Variants in RBMS3 observed in about 807,000 individuals in gnomAD.
RBMS3 encodes RNA binding motif single stranded interacting protein 3, also known as RNA-binding motif, single-stranded-interacting protein 3.
A neutral mutation model predicts 66.8 loss-of-function variants in RBMS3; 27 were observed. The ratio of observed to expected loss-of-function variants is 0.40; its 90% CI spans 0.30 to 0.56. The LOEUF (loss-of-function observed/expected upper bound fraction) is 0.56, where lower values mean the gene tolerates loss of function less well. RBMS3 is among the 20% of genes least tolerant of loss of function. The pLI is 0.40. For synonymous variants in RBMS3, 188 were observed against 183.0 expected, an observed-to-expected ratio of 1.03 and a Z score of -0.22; for missense variants, 513 against 549.5, an observed-to-expected ratio of 0.93 and a Z score of 0.66.
intron 6 of RBMS3, among the ~76,000 whole-genome samples, chr3:29,776,850 T>C (rs2056444773): frequency 1.3e-5 from 2 of 151,974 alleles, no homozygotes; most frequent in African/African-American, 4.8e-5. Flanking sequence ...CATTCTAGAA[T>C]GGTATCCATT....
At chr3:29,396,113 A>G (rs1044834893) in intron 1 of RBMS3, among the ~76,000 whole-genome samples, 1 of 152,152 alleles carries the variant, frequency 6.6e-6, no homozygotes, top group Non-Finnish European at 1.5e-5. Context: ...TCATGTGCCT[A>G]TGGATAGAGG....
chr3:29,910,204 T>C (rs965162727), intron 10 of RBMS3, among the ~76,000 whole-genome samples: 1 of 152,096 alleles, frequency 6.6e-6, no homozygotes, highest in African/African-American at 2.4e-5. Context: ...TGTCAGACTT[T>C]CTAGAAAACA....
chr3:29,287,967 G>A (rs1230399464), intron 1 of RBMS3, among the ~76,000 whole-genome samples: 13 of 151,860 alleles, frequency 8.6e-5, no homozygotes, highest in African/African-American at 3.1e-4. Context: ...TATTAAAAAT[G>A]TTTTGTTTTA....
intron 8 of RBMS3, among the ~76,000 whole-genome samples, chr3:29,894,781 A>G (rs1468107458): frequency 1.3e-5 from 2 of 151,604 alleles, no homozygotes; most frequent in Non-Finnish European, 3.0e-5. Flanking sequence ...CAATTGGGAC[A>G]GACATGGCAG....
intron 1 of RBMS3, among the ~76,000 whole-genome samples, chr3:29,364,301 A>G (rs548761896): frequency 3.3e-5 from 5 of 152,306 alleles, no homozygotes; most frequent in South Asian, 2.1e-4. Flanking sequence ...TTAGCAGAGA[A>G]TAAGGGGGAT....
At chr3:29,914,798 T>A (rs190003795) in intron 10 of RBMS3, among the ~76,000 whole-genome samples, 247 of 152,004 alleles carry the variant, frequency 1.6e-3, no homozygotes, top group Non-Finnish European at 1.8e-3. Context: ...GTCTAGCAGT[T>A]GATGTAAAGG....
chr3:29,403,265 T>A (rs2039885552), intron 1 of RBMS3, among the ~76,000 whole-genome samples: 1 of 152,030 alleles, frequency 6.6e-6, no homozygotes, highest in African/African-American at 2.4e-5. Flanking sequence ...AAGATTCAGG[T>A]GGAGAAGTCA....
At chr3:29,520,224 A>G (rs1017010634) in intron 3 of RBMS3, among the ~76,000 whole-genome samples, 6 of 152,192 alleles carry the variant, frequency 3.9e-5, no homozygotes. Context: ...AATACAAACC[A>G]AGTTTTAAAA....
At chr3:29,464,664 G>A (rs967988462) in intron 2 of RBMS3, among the ~76,000 whole-genome samples, 2 of 152,116 alleles carry the variant, frequency 1.3e-5, no homozygotes, top group Non-Finnish European at 2.9e-5. Flanking sequence ...ACTGTCAGGG[G>A]ATACAGGTGA....
chr3:29,517,303 GTGTGTATATATATATAT>G (rs1559429909), intron 3 of RBMS3, among the ~76,000 whole-genome samples: 1 of 131,984 alleles, frequency 7.6e-6, no homozygotes. Flanking sequence ...GTGTGTGTGT[GTGTGTATATATATATAT>G]TTTTTTTTTG....
At chr3:29,815,297 A>G (rs940097101) in intron 6 of RBMS3, among the ~76,000 whole-genome samples, 11 of 152,152 alleles carry the variant, frequency 7.2e-5, no homozygotes, top group African/African-American at 2.7e-4. Flanking sequence ...GATATCACCC[A>G]TGTCAAATAC....
At chr3:29,780,130 A>G (rs2056576834) in intron 6 of RBMS3, among the ~76,000 whole-genome samples, 1 of 152,026 alleles carries the variant, frequency 6.6e-6, no homozygotes, top group African/African-American at 2.4e-5. Flanking sequence ...ACATATTGAT[A>G]TAGTTCAAGT....
At chr3:29,772,799 T>A (rs1437972819) in intron 6 of RBMS3, among the ~76,000 whole-genome samples, 1 of 152,006 alleles carries the variant, frequency 6.6e-6, no homozygotes, top group East Asian at 1.9e-4. Context: ...GAGTTGCTTG[T>A]GTGTTAAATA....
chr3:29,335,652 T>G (rs1386433224), intron 1 of RBMS3, among the ~76,000 whole-genome samples: 1 of 152,180 alleles, frequency 6.6e-6, no homozygotes. Flanking sequence ...CTCGTAACTC[T>G]GGGACTGCCC....
rs138145464 is a variant in RBMS3, at chr3:29,384,893, A to G, written c.76-49850A>G. On this transcript the variant is annotated intron_variant, in intron 1 of 14. Coordinates refer to ENST00000383767, the MANE Select transcript of RBMS3 (RefSeq NM_001003793.3). ...CCTTGTTCTGGTTAAATGAAAAAGT[A>G]TTAACATACGTTTCTTGTCACCACA... Among the ~76,000 whole-genome samples, 22 of 152,324 alleles carry G rather than the reference A, an allele frequency of 1.4e-4. No homozygotes were observed. In the East Asian group the frequency reaches 4.1e-3, roughly 28 times the overall value.
intron 3 of RBMS3, among the ~76,000 whole-genome samples, chr3:29,529,113 A>G (rs879943178): frequency 2.2e-3 from 341 of 152,312 alleles, no homozygotes; most frequent in Non-Finnish European, 3.4e-3. Flanking sequence ...TCGAGAAAAA[A>G]TAAAATCTGT....
intron 12 of RBMS3, among the ~76,000 whole-genome samples, chr3:29,957,060 G>C (rs956672451): frequency 1.3e-5 from 2 of 152,028 alleles, no homozygotes; most frequent in Non-Finnish European, 2.9e-5. Context: ...TGCTAATGCT[G>C]GCTTGTTTCA....
At chr3:29,583,158 A>G (rs2047390071) in intron 3 of RBMS3, among the ~76,000 whole-genome samples, 1 of 152,114 alleles carries the variant, frequency 6.6e-6, no homozygotes, top group Middle Eastern at 3.2e-3. Context: ...TGATTCAGAG[A>G]ACTCTCAGGG....
chr3:29,813,247 T>C (rs1037439243), intron 6 of RBMS3, among the ~76,000 whole-genome samples: 1 of 152,146 alleles, frequency 6.6e-6, no homozygotes, highest in Non-Finnish European at 1.5e-5. Flanking sequence ...CATACATGCC[T>C]AAGTCATAAT....
Sources: gnomAD v4.1 joint callset for allele counts (sites outside exome capture counted in the v4.1 genomes callset) on GRCh38, gnomAD v4.1.1 for gene constraint, MANE v1.5 for transcripts, NCBI Gene and HGNC (gene_info 2026-07-23, HGNC 2026-07-21) for gene names.